Variants in FLT1 observed in about 807,000 individuals in gnomAD.
FLT1 encodes the protein fms related receptor tyrosine kinase 1.
A neutral mutation model predicts 156.3 loss-of-function variants in FLT1; 49 were observed. The ratio of observed to expected loss-of-function variants is 0.31; its 90% confidence interval spans 0.25 to 0.40. FLT1 has a LOEUF of 0.40. FLT1 is among the 10% of genes least tolerant of loss of function. FLT1 has a pLI of 1.00. For missense variants in FLT1, 1,322 were observed against 1,637.2 expected, an observed-to-expected ratio of 0.81 and a Z score of 3.32; for synonymous variants, 594 against 583.8, an observed-to-expected ratio of 1.02 and a Z score of -0.25.
At chr13:28,363,188 T>C (rs1378267401) in intron 14 of FLT1, among the ~76,000 whole-genome samples, 2 of 152,192 alleles carry the variant, frequency 1.3e-5, no homozygotes, top group African/African-American at 2.4e-5. Context: ...CTGAGGAAAA[T>C]ACATTTTTAA....
intron 27 of FLT1, among the ~76,000 whole-genome samples, chr13:28,310,937 T>A (rs1593668968): frequency 6.6e-6 from 1 of 152,208 alleles, no homozygotes; most frequent in South Asian, 2.1e-4. Flanking sequence ...ATCTGACTAT[T>A]AGATGGCATT....
rs1881668303 is a variant in FLT1 at position 28,494,773 on chromosome 13, G to A, written c.64+7C>T. On this transcript the variant is annotated splice_region_variant and intron_variant, in intron 1 of 29. Transcript: ENST00000282397. Reference sequence around the variant, plus strand: ...GCCTCAGGCCCCGGCCCCCAGCCGCGCCTCACCTGTGAGAAGCAGACAGCT... The same window carrying A: ...GCCTCAGGCCCCGGCCCCCAGCCGCACCTCACCTGTGAGAAGCAGACAGCT... 25 of 1,556,880 alleles carry A rather than the reference G, an allele frequency of 1.6e-5. No homozygotes were observed. The highest frequency in any genetic ancestry group is 2.0e-5 in the Non-Finnish European group (23 of 1,156,238).
intron 1 of FLT1, among the ~76,000 whole-genome samples, chr13:28,471,480 T>G (rs2137631917): frequency 6.6e-6 from 1 of 152,348 alleles, no homozygotes; most frequent in South Asian, 2.1e-4. Context: ...TAACAAAGAT[T>G]CAACATTTGT....
chr13:28,412,350 C>CTTTCTTTCTTTT (rs71086853), intron 10 of FLT1, among the ~76,000 whole-genome samples: 4 of 93,702 alleles, frequency 4.3e-5, no homozygotes, highest in Admixed American at 1.1e-4. Context: ...TTCTTTCTTT[C>CTTTCTTTCTTTT]TCTTTCTTTC....
chr13:28,322,875 T>C lies in FLT1; in HGVS notation c.2868A>G (p.Arg956=), dbSNP rs191324219. The change falls in exon 21 of 30, where the codon AGA becomes AGG. Residue 956 remains arginine (R), a synonymous_variant. Coordinates refer to ENST00000282397, the MANE Select transcript of FLT1 (RefSeq NM_002019.4). This position sits in a 1 kb window ranked among gnomAD's most constrained non-coding sequence, Gnocchi z 4.3. The part of the protein sequence containing the change: ...EPGLEQGKKP[R]LDSVTSSESF... ...TTTCGCTGCTGGTGACGCTATCTAG[T>C]CTTGGTTTCTTGCCTTGTTCCAGGC... 3 of 1,614,188 alleles carry C rather than the reference T, an allele frequency of 1.9e-6. No homozygotes were observed. Among genetic ancestry groups the C allele is most frequent in the Admixed American group, 3.3e-5 (2 of 60,028 alleles).
intron 10 of FLT1, among the ~76,000 whole-genome samples, chr13:28,417,712 G>C (rs1202742707): frequency 1.3e-5 from 2 of 149,504 alleles, no homozygotes; most frequent in African/African-American, 4.9e-5. Context: ...ATGTTGCCCA[G>C]GGCTCCTGGG....
At chr13:28,360,388 C>T (rs1374638670) in intron 14 of FLT1, among the ~76,000 whole-genome samples, 1 of 152,138 alleles carries the variant, frequency 6.6e-6, no homozygotes, top group East Asian at 1.9e-4. Context: ...TCTGCATTCC[C>T]ATGTTTATTG....
intron 1 of FLT1, among the ~76,000 whole-genome samples, chr13:28,471,301 A>G (rs1880162995): frequency 6.6e-6 from 1 of 152,208 alleles, no homozygotes. Context: ...GTTAATAGGA[A>G]ACTAGAATCT....
At chr13:28,466,633 T>C (rs1879859984) in intron 3 of FLT1, 1 of 492,282 alleles carries the variant, frequency 2.0e-6, no homozygotes, top group Admixed American at 3.5e-5. Context: ...CATCCAACTA[T>C]GGGCCACATA....
At chr13:28,479,532 G>A (rs761502946) in intron 1 of FLT1, among the ~76,000 whole-genome samples, 4 of 152,132 alleles carry the variant, frequency 2.6e-5, no homozygotes, top group Non-Finnish European at 5.9e-5. Flanking sequence ...TCTTATCTTA[G>A]ATGGAATTCA....
At chr13:28,334,287 A>T (rs377108431) in intron 17 of FLT1, among the ~76,000 whole-genome samples, 158 bp from the exon 18 acceptor site, 3 of 152,298 alleles carry the variant, frequency 2.0e-5, no homozygotes, top group Middle Eastern at 3.4e-3. Context: ...TTATTTCTGG[A>T]GTCTCTTCCT....
At chr13:28,444,137 C>T (rs1219022870) in intron 3 of FLT1, among the ~76,000 whole-genome samples, 3 of 151,950 alleles carry the variant, frequency 2.0e-5, no homozygotes, top group Non-Finnish European at 4.4e-5. Flanking sequence ...ATTTCAATAC[C>T]CCACTTTCAA....
chr13:28,484,955 T>G (rs1327519945), intron 1 of FLT1, among the ~76,000 whole-genome samples: 1 of 138,216 alleles, frequency 7.2e-6, no homozygotes, highest in Admixed American at 7.1e-5. Context: ...GGGGGAGGGA[T>G]AGCATTAGGA....
intron 11 of FLT1, among the ~76,000 whole-genome samples, chr13:28,402,126 C>A (rs754854564): frequency 6.6e-6 from 1 of 152,072 alleles, no homozygotes; most frequent in Non-Finnish European, 1.5e-5. Context: ...GTCCTCTATA[C>A]CCTTCCTTAA....
intron 14 of FLT1, among the ~76,000 whole-genome samples, chr13:28,381,944 C>A (rs1457296374): frequency 2.0e-5 from 3 of 151,982 alleles, no homozygotes; most frequent in Non-Finnish European, 4.4e-5. Flanking sequence ...TATTAATTGT[C>A]AAGTACTGTG....
intron 10 of FLT1, among the ~76,000 whole-genome samples, chr13:28,421,121 T>G (rs576338550): frequency 1.3e-5 from 2 of 151,982 alleles, no homozygotes; most frequent in Non-Finnish European, 2.9e-5. Flanking sequence ...GTTTCAGACA[T>G]GAGATGTCAC....
rs2147189 is a variant in FLT1, at chr13:28,356,571, T to C, written c.2248+983A>G. Among the ~76,000 whole-genome samples the C allele has an allele frequency of 7.7e-3, 1,178 of 152,296 alleles. 15 individuals carry two copies. The highest frequency in any genetic ancestry group is 0.026 in the African/African-American group (1,091 of 41,550). On this transcript the variant is annotated intron_variant, in intron 15 of 29. Coordinates refer to ENST00000282397, the MANE Select transcript of FLT1 (RefSeq NM_002019.4). ...CAGGGGGCTCTTTAAAATCATCTCCTTGTGAAAGAATAAAGATGATGTTCT... is the reference window on the plus strand; with the variant it reads ...CAGGGGGCTCTTTAAAATCATCTCCCTGTGAAAGAATAAAGATGATGTTCT...
intron 3 of FLT1, among the ~76,000 whole-genome samples, chr13:28,453,027 CTT>C (rs1418255036): frequency 0.033 from 15 of 460 alleles, 2 homozygotes; most frequent in African/African-American, 0.12. Flanking sequence ...TCCCCCTCCC[CTT>C]TCCTTTCCTT....
chr13:28,461,903 C>T (rs1270959367), intron 3 of FLT1, among the ~76,000 whole-genome samples: 1 of 152,126 alleles, frequency 6.6e-6, no homozygotes, highest in African/African-American at 2.4e-5. Context: ...GGAAAAATTT[C>T]TTATAAAAAT....
Sources: gnomAD v4.1 joint callset for allele counts (sites outside exome capture counted in the v4.1 genomes callset) on GRCh38, gnomAD v4.1.1 for gene constraint, Gnocchi (gnomAD v3.1) non-coding constraint, MANE v1.5 for transcripts, NCBI Gene and HGNC (gene_info 2026-07-23, HGNC 2026-07-21) for gene names.